Variants in PSME4 observed in about 807,000 individuals in gnomAD.
PSME4 encodes the protein proteasome activator subunit 4, also known as proteasome activator complex subunit 4.
A neutral mutation model predicts 253.9 loss-of-function variants in PSME4; 89 were observed. The observed-to-expected ratio is 0.35, with a 90% confidence interval of 0.30 to 0.42. PSME4 has a LOEUF of 0.42. Among genes scored for constraint, PSME4 ranks in the 10% least tolerant of loss-of-function variants. PSME4 has a pLI of 1.00. For synonymous variants in PSME4, 851 were observed against 759.2 expected, an observed-to-expected ratio of 1.12 and a Z score of -1.99; for missense variants, 2,014 against 2,195.2, an observed-to-expected ratio of 0.92 and a Z score of 1.65.
intron 1 of PSME4, among the ~76,000 whole-genome samples, chr2:53,964,284 A>C (rs1463217523): frequency 6.6e-6 from 1 of 152,224 alleles, no homozygotes; most frequent in Non-Finnish European, 1.5e-5. Context: ...GGAACTCTAT[A>C]CTTTCCATTC....
intron 43 of PSME4, among the ~76,000 whole-genome samples, chr2:53,872,546 G>C (rs1573188482): frequency 2.6e-5 from 4 of 151,754 alleles, no homozygotes; most frequent in Admixed American, 2.6e-4. Flanking sequence ...TTTGAGACCA[G>C]CCTGGGCAGT....
intron 17 of PSME4, among the ~76,000 whole-genome samples, chr2:53,921,900 C>T (rs548133813): frequency 1.0e-4 from 15 of 147,236 alleles, no homozygotes; most frequent in African/African-American, 2.3e-4. Flanking sequence ...GGGCCAGGCG[C>T]GGTGGCTCAC....
chr2:53,914,249 G>T (rs1021508051), intron 20 of PSME4, among the ~76,000 whole-genome samples: 1 of 152,078 alleles, frequency 6.6e-6, no homozygotes, highest in Admixed American at 6.6e-5. Context: ...TTTAGAGAAT[G>T]GACTGCAAAA....
At position 53,906,640 on chromosome 2, in the gene PSME4, C is replaced by T; in HGVS notation, c.2901G>A (p.Met967Ile). The T allele has an allele frequency of 1.2e-6, 2 of 1,602,984 alleles. No individual in the cohort carries two copies. The highest frequency in any genetic ancestry group is 1.7e-6 in the Non-Finnish European group (2 of 1,175,368). ...GCEYKKIHQD[M>I]IRDLLRLSTS... ...TAGATAAACGAAGAAGATCTCTGAT[C>T]ATATCTTGATGTATCTTTTTGTATT... Residue 967 changes from methionine (M) to isoleucine (I), a missense_variant, in exon 26 of 47, where the codon ATG (methionine) becomes ATA (isoleucine). Around this residue, in one of 4 missense-constraint regions of PSME4, gnomAD observed 989 missense variants for 1,021.1 expected, o/e 0.97. Coordinates refer to ENST00000404125, the MANE Select transcript of PSME4 (RefSeq NM_014614.3).
chr2:53,948,880 C>T (rs2104476157), intron 2 of PSME4, among the ~76,000 whole-genome samples: 1 of 152,274 alleles, frequency 6.6e-6, no homozygotes, highest in African/African-American at 2.4e-5. Context: ...TGATCTTTGT[C>T]TTGTCTTCTC....
At chr2:53,899,844 T>C in intron 29 of PSME4, 37 bp downstream of exon 29, 1 of 1,605,984 alleles carries the variant, frequency 6.2e-7, no homozygotes, top group African/African-American at 1.3e-5. Flanking sequence ...TTACTATCTA[T>C]AATGTCATCT....
chr2:53,939,561 T>C (rs764836344), intron 4 of PSME4, among the ~76,000 whole-genome samples: 9 of 152,128 alleles, frequency 5.9e-5, no homozygotes, highest in Non-Finnish European at 1.2e-4. Flanking sequence ...CCCCACTCTC[T>C]ACAAAAAATA....
In PSME4 at chr2:53,961,387, C is replaced by T. The variant is rs567231972; in HGVS notation, c.242+9156G>A. On this transcript the variant is annotated intron_variant, in intron 1 of 46. Transcript: ENST00000404125. ...TTGTATTTGAAAAGGAGGGAAGAGG[C>T]GCTAGGTGCAGTGGCTTATGCCTGT... Among the ~76,000 whole-genome samples, 5 of 151,804 alleles carry T rather than the reference C, an allele frequency of 3.3e-5. No individual in the cohort carries two copies. In the South Asian group the frequency reaches 8.3e-4, roughly 25 times the overall value.
chr2:53,931,187 G>A (rs1278283973), intron 10 of PSME4, among the ~76,000 whole-genome samples: 2 of 152,098 alleles, frequency 1.3e-5, no homozygotes, highest in African/African-American at 4.8e-5. Context: ...CTGAGGCAGG[G>A]GAATCCTTGA....
At position 53,960,325 on chromosome 2, in the gene PSME4, G is replaced by A. The variant is rs554360205; in HGVS notation, c.242+10218C>T. Among the ~76,000 whole-genome samples the A allele has an allele frequency of 5.9e-5, 9 of 151,792 alleles. No homozygotes were observed. The South Asian group carries it at 1.0e-3, about 18-fold the overall frequency. ...GAGGTGGGAGGATCACTTGAACCTG[G>A]GAGGCGGAGGTTGCAGTGAGCCAAC... On this transcript the variant is annotated intron_variant, in intron 1 of 46. Coordinates refer to ENST00000404125, the MANE Select transcript of PSME4 (RefSeq NM_014614.3).
chr2:53,930,765 T>C (rs1369280246), intron 10 of PSME4, among the ~76,000 whole-genome samples: 1 of 152,052 alleles, frequency 6.6e-6, no homozygotes, highest in African/African-American at 2.4e-5. Context: ...AGTCAGAAAA[T>C]AGGCTATAGT....
rs553570679 is a variant in PSME4 at position 53,924,861 on chromosome 2, G to A, written c.1809+678C>T. 9.9e-5 allele frequency among the ~76,000 whole-genome samples: 15 copies of A among 152,266 alleles called. No individual in the cohort carries two copies. In the East Asian group the frequency reaches 2.7e-3, roughly 27 times the overall value. The stretch of plus-strand genomic sequence containing the variant: ...GCAAATACTGAACCATTGCTCCCAG[G>A]GGAAATACAGGATTATGTTCCTGTG... On this transcript the variant is annotated intron_variant, in intron 14 of 46. Coordinates refer to ENST00000404125, the MANE Select transcript of PSME4 (RefSeq NM_014614.3).
chr2:53,877,295 C>T (rs1679181717), intron 41 of PSME4, among the ~76,000 whole-genome samples: 1 of 150,594 alleles, frequency 6.6e-6, no homozygotes, highest in Admixed American at 6.6e-5. Context: ...TGCCACATGC[C>T]TATAGTCCTT....
intron 20 of PSME4, among the ~76,000 whole-genome samples, chr2:53,911,555 G>A (rs934012354): frequency 1.3e-5 from 2 of 152,068 alleles, no homozygotes; most frequent in African/African-American, 4.8e-5. Context: ...GTACTCAAGA[G>A]TAACAAGAAT....
At chr2:53,904,850 T>C (rs1680575600) in intron 26 of PSME4, among the ~76,000 whole-genome samples, 1 of 151,302 alleles carries the variant, frequency 6.6e-6, no homozygotes. Context: ...TAGCCAGGCA[T>C]GGTGGTGCGT....
chr2:53,935,464 G>T (rs1669059076), intron 7 of PSME4, among the ~76,000 whole-genome samples: 1 of 152,098 alleles, frequency 6.6e-6, no homozygotes, highest in African/African-American at 2.4e-5. Flanking sequence ...CCCTACTCAA[G>T]CTCCACAGGT....
chr2:53,936,778 G>A lies in PSME4; in HGVS notation c.745C>T (p.Pro249Ser), dbSNP rs774504323. ...GGGATACTTACCCCCTCCCATTGTGGGAGATTTTGCACTGAAACCCAAAGG... is the reference window on the plus strand; with the variant it reads ...GGGATACTTACCCCCTCCCATTGTGAGAGATTTTGCACTGAAACCCAAAGG... ...IGLWVSVQNL[P>S]QWEGQLVNLF... is the part of the protein sequence containing the mutation. The change falls in exon 6 of 47, where the codon CCA becomes TCA. Residue 249 changes from proline to serine, a missense_variant. Pro to Ser is a moderately conservative substitution (Grantham distance 74). Coordinates refer to ENST00000404125, the MANE Select transcript of PSME4 (RefSeq NM_014614.3). 3 of 1,592,390 alleles carry A rather than the reference G, an allele frequency of 1.9e-6. No individual in the cohort carries two copies. The African/African-American group carries it at 4.1e-5, about 22-fold the overall frequency.
intron 4 of PSME4, 60 bp from the exon 5 acceptor site, chr2:53,937,600 A>G: frequency 2.0e-6 from 3 of 1,517,832 alleles, no homozygotes; most frequent in Non-Finnish European, 2.7e-6. Context: ...TACAACAGCA[A>G]TATATATAAC....
In PSME4 at chr2:53,932,000, T is replaced by G. The variant is rs766098992; in HGVS notation, c.1151A>C (p.Asp384Ala). Residue 384 changes from aspartate to alanine, a missense_variant, in exon 10 of 47, where the codon GAT (aspartate) becomes GCT (alanine). Physicochemically the swap from Asp to Ala is moderately radical, Grantham distance 126 (BLOSUM62 -2). Transcript: ENST00000404125. ...ATCTTGATCAGTAAGCTTGTGGCTA[T>G]CAGGCACAGGAGTTAACCAAGAGGG... ...KKPSWLTPVP[D>A]SHKLTDQDVT... 1 of 1,613,782 alleles carries G rather than the reference T, an allele frequency of 6.2e-7. No homozygotes were observed. The highest frequency in any genetic ancestry group is 8.5e-7 in the Non-Finnish European group (1 of 1,179,658).
Sources: allele counts gnomAD v4.1 joint callset (sites outside exome capture counted in the v4.1 genomes callset), GRCh38; gene constraint gnomAD v4.1.1; regional missense constraint gnomAD v4.1.1; transcripts MANE v1.5; gene names NCBI Gene and HGNC (gene_info 2026-07-23, HGNC 2026-07-21).